The following FANCB variants were observed in gnomAD, a reference collection of about 807,000 sequenced individuals.
FANCB encodes Fanconi anemia group B protein.
A neutral mutation model predicts 38.9 loss-of-function variants in FANCB; 5 were observed. That is an observed-to-expected ratio of 0.13 (90% CI 0.07 to 0.27). The LOEUF (loss-of-function observed/expected upper bound fraction) is 0.27, where lower values mean the gene tolerates loss of function less well. Ranked by LOEUF, FANCB falls within the 10% of genes least tolerant of loss-of-function variation. FANCB has a pLI of 1.00. For synonymous variants in FANCB, 236 were observed against 215.4 expected, an observed-to-expected ratio of 1.10 and a Z score of -0.84; for missense variants, 573 against 602.7, an observed-to-expected ratio of 0.95 and a Z score of 0.52.
chrX:14,844,111 C>A, intron 9 of FANCB, 130 bp from the exon 10 acceptor site: 1 of 517,646 alleles, frequency 1.9e-6, no homozygotes, highest in Admixed American at 3.8e-5. Context: ...CAATTATGTA[C>A]GTGAGCATTG....
At chrX:14,764,227 G>A in the FANCB span, among the ~76,000 whole-genome samples, 2 of 111,314 alleles carry the variant, frequency 1.8e-5, no homozygotes, top group African/African-American at 3.3e-5. Context: ...TCACATGGTT[G>A]TGGTTGTTGG....
At chrX:14,825,916 C>A in the FANCB span, among the ~76,000 whole-genome samples, 1 of 112,262 alleles carries the variant, frequency 8.9e-6, no homozygotes, top group Non-Finnish European at 1.9e-5. Context: ...GTATGTTCAT[C>A]TTCCTAAATC....
the FANCB span, among the ~76,000 whole-genome samples, chrX:14,799,179 G>A: frequency 8.9e-6 from 1 of 112,112 alleles, no homozygotes; most frequent in African/African-American, 3.2e-5. Flanking sequence ...AACCCATAAA[G>A]ATAGAAACCC....
the FANCB span, chrX:14,730,541 C>T: frequency 2.8e-6 from 2 of 718,560 alleles, no homozygotes; most frequent in South Asian, 4.9e-5. Flanking sequence ...TGTAAATACA[C>T]AGTGAAATTG....
the FANCB span, among the ~76,000 whole-genome samples, chrX:14,698,361 AT>A: frequency 4.6e-5 from 5 of 109,694 alleles, no homozygotes; most frequent in African/African-American, 9.9e-5. Flanking sequence ...GCCTGAGTTA[AT>A]TTTTTTTTAA....
At chrX:14,848,780 C>T (rs958911675) in intron 7 of FANCB, among the ~76,000 whole-genome samples, 7 of 111,394 alleles carry the variant, frequency 6.3e-5, no homozygotes, top group Non-Finnish European at 9.4e-5. Flanking sequence ...TTCATCCCCA[C>T]GTGACCATCT....
At chrX:14,742,489 A>G in the FANCB span, among the ~76,000 whole-genome samples, 1 of 111,801 alleles carries the variant, frequency 8.9e-6, no homozygotes, top group Non-Finnish European at 1.9e-5. Flanking sequence ...GATAGTGTAA[A>G]ATATAATAGT....
the FANCB span, among the ~76,000 whole-genome samples, chrX:14,721,650 C>T: frequency 9.0e-6 from 1 of 111,103 alleles, no homozygotes; most frequent in Admixed American, 9.6e-5. Flanking sequence ...TCGTACAGTC[C>T]CACCCTGTAT....
At chrX:14,849,111 C>G (rs979469471) in intron 7 of FANCB, among the ~76,000 whole-genome samples, 5 of 111,867 alleles carry the variant, frequency 4.5e-5, no homozygotes, top group Non-Finnish European at 5.6e-5. Context: ...ACTAGTATAG[C>G]CTTGATACTA....
chrX:14,801,108 G>T, the FANCB span, among the ~76,000 whole-genome samples: 2 of 111,839 alleles, frequency 1.8e-5, no homozygotes, highest in East Asian at 5.6e-4. Flanking sequence ...GCTGCTGGAA[G>T]CATTCTCAAA....
the FANCB span, among the ~76,000 whole-genome samples, chrX:14,806,620 T>C: frequency 6.4e-4 from 71 of 111,640 alleles, no homozygotes; most frequent in African/African-American, 2.2e-3. Context: ...TTCTACAACC[T>C]GAGGGATTGT....
chrX:14,785,174 T>A, the FANCB span, among the ~76,000 whole-genome samples: 356 of 112,227 alleles, frequency 3.2e-3, 1 homozygote, highest in African/African-American at 0.01. Context: ...GAACTTAGAA[T>A]AAGAATAAAA....
the FANCB span, among the ~76,000 whole-genome samples, chrX:14,761,635 T>C: frequency 9.0e-6 from 1 of 111,392 alleles, no homozygotes; most frequent in African/African-American, 3.3e-5. Context: ...CTTGAGCACC[T>C]GCAGATCAGG....
chrX:14,764,274 T>A, the FANCB span, among the ~76,000 whole-genome samples: 2 of 110,864 alleles, frequency 1.8e-5, no homozygotes, highest in Non-Finnish European at 3.8e-5. Flanking sequence ...GCTGTACGAC[T>A]GAGATCCCTG....
the FANCB span, among the ~76,000 whole-genome samples, chrX:14,707,809 GTCTT>G: frequency 9.1e-6 from 1 of 110,374 alleles, no homozygotes; most frequent in Non-Finnish European, 1.9e-5. Flanking sequence ...TTAGATGACA[GTCTT>G]TATTTTTTTT....
the FANCB span, among the ~76,000 whole-genome samples, chrX:14,810,840 G>C: frequency 9.0e-6 from 1 of 110,876 alleles, no homozygotes; most frequent in Non-Finnish European, 1.9e-5. Context: ...TCCTCAAGAA[G>C]AGCAACTCCA....
chrX:14,771,341 T>C, the FANCB span, among the ~76,000 whole-genome samples: 58 of 111,735 alleles, frequency 5.2e-4, no homozygotes, highest in African/African-American at 1.8e-3. Context: ...CTTTTTGTTC[T>C]TTTATCTCTT....
intron 5 of FANCB, 114 bp downstream of exon 5, chrX:14,857,748 C>A: frequency 1.8e-6 from 1 of 560,342 alleles, no homozygotes; most frequent in Non-Finnish European, 3.1e-6. Context: ...CTTTGAAATA[C>A]CATTTTTACC....
chrX:14,825,615 CATATT>C, the FANCB span, among the ~76,000 whole-genome samples: 3 of 112,226 alleles, frequency 2.7e-5, no homozygotes, highest in African/African-American at 6.5e-5. Flanking sequence ...TATCATTTAA[CATATT>C]ATAATTATCT....
Sources: gnomAD v4.1 joint callset for allele counts (sites outside exome capture counted in the v4.1 genomes callset) on GRCh38, gnomAD v4.1.1 for gene constraint, MANE v1.5 for transcripts, NCBI Gene and HGNC (gene_info 2026-07-23, HGNC 2026-07-21) for gene names.